Variants in SSRP1 observed in about 807,000 individuals in gnomAD.
The protein encoded by SSRP1 is structure specific recognition protein 1, also known as FACT complex subunit SSRP1.
Under a neutral mutation model 84.4 loss-of-function variants are expected in SSRP1, and 21 were observed. The observed-to-expected ratio is 0.25, with a 90% CI of 0.18 to 0.36. The LOEUF (loss-of-function observed/expected upper bound fraction) is 0.36, where lower values mean the gene tolerates loss of function less well. Ranked by LOEUF, SSRP1 falls within the 10% of genes least tolerant of loss-of-function variation. The pLI, the probability that SSRP1 is intolerant of heterozygous loss-of-function variation, is 1.00. For missense variants in SSRP1, 519 were observed against 900.8 expected (o/e 0.58, Z 5.43); for synonymous variants, 319 against 318.3 (o/e 1.00, Z -0.02).
chr11:57,327,161 G>T, intron 15 of SSRP1: 2 of 659,602 alleles, frequency 3.0e-6, no homozygotes, highest in Non-Finnish European at 5.1e-6. Context: ...ACTGTGCACT[G>T]CACTCCATAA....
At chr11:57,334,980 C>A in intron 2 of SSRP1, 88 bp downstream of exon 2, 4 of 1,490,818 alleles carry the variant, frequency 2.7e-6, no homozygotes, top group Non-Finnish European at 3.7e-6. Flanking sequence ...TCCAAAATAA[C>A]GTTACCAAAG....
Position 57,330,449 on chromosome 11 carries a change from C to CGGTGG in SSRP1, c.1297-25_1297-21dup, listed in dbSNP as rs984975467. On this transcript the variant is annotated intron_variant, in intron 10 of 16. Coordinates refer to ENST00000278412, the MANE Select transcript of SSRP1 (RefSeq NM_003146.3). The surrounding 1 kb of genome is among the most constrained non-coding windows in gnomAD (Gnocchi z 4.0). ...CATGCCCTAGCCAGGGAAGAGTTCA[C>CGGTGG]GGTGGGGCCAACTCACCCTCGAGCC... 6.2e-6 allele frequency: 10 copies of CGGTGG among 1,612,718 alleles called. No individual in the cohort carries two copies. Among genetic ancestry groups the CGGTGG allele is most frequent in the Non-Finnish European group, 7.6e-6 (9 of 1,179,826 alleles).
rs1315803828 is a variant in SSRP1 at position 57,332,598 on chromosome 11, T to A, written c.768+27A>T. 1.2e-6 allele frequency: 2 copies of A among 1,606,610 alleles called. No homozygotes were observed. Among genetic ancestry groups the A allele is most frequent in the South Asian group, 1.1e-5 (1 of 90,804 alleles). On this transcript the variant is annotated intron_variant, in intron 6 of 16. Transcript: ENST00000278412. This position sits in a 1 kb window ranked among gnomAD's most constrained non-coding sequence, Gnocchi z 5.5. ...TTAACACTTAGGCAAAAACCAGGATTATCCGGCCATAGGGGTTTCTGCTTA... is the reference window on the plus strand; with the variant it reads ...TTAACACTTAGGCAAAAACCAGGATAATCCGGCCATAGGGGTTTCTGCTTA...
Position 57,330,064 on chromosome 11 carries a change from T to C in SSRP1, c.1481+29A>G. 6.2e-7 allele frequency: 1 copy of C among 1,613,970 alleles called. No individual in the cohort carries two copies. The highest frequency in any genetic ancestry group is 8.5e-7 in the Non-Finnish European group (1 of 1,179,832). ...CCCTTAAGCTTATGGGTCACCATCTTATCCCCACAAGGTACCACCAAAACT... is the reference window on the plus strand; with the variant it reads ...CCCTTAAGCTTATGGGTCACCATCTCATCCCCACAAGGTACCACCAAAACT... On this transcript the variant is annotated intron_variant, in intron 12 of 16. Transcript: ENST00000278412. This position sits in a 1 kb window ranked among gnomAD's most constrained non-coding sequence, Gnocchi z 4.0.
intron 12 of SSRP1, chr11:57,328,637 T>C (rs987490282): frequency 7.0e-6 from 4 of 574,488 alleles, no homozygotes; most frequent in Non-Finnish European, 1.2e-5. Flanking sequence ...GCCACAGCAA[T>C]TGGTTACTTG....
In SSRP1 at chr11:57,332,073, C is replaced by T; in HGVS notation, c.1001+79G>A. ...CCAGGCCTCTAGGAGGCCGCATTCC[C>T]ATCTCAGGAAGGGTTTACCAAGGAG... On this transcript the variant is annotated intron_variant, in intron 8 of 16. Coordinates refer to ENST00000278412, the MANE Select transcript of SSRP1 (RefSeq NM_003146.3). The surrounding 1 kb of genome is among the most constrained non-coding windows in gnomAD (Gnocchi z 5.5). 6.2e-7 allele frequency: 1 copy of T among 1,601,096 alleles called. No individual in the cohort carries two copies. Among genetic ancestry groups the T allele is most frequent in the Non-Finnish European group, 8.5e-7 (1 of 1,174,734 alleles).
Position 57,334,750 on chromosome 11 carries a change from G to C in SSRP1, c.55-102C>G, listed in dbSNP as rs139660041. 10 of 1,377,996 alleles carry C rather than the reference G, an allele frequency of 7.3e-6. No individual in the cohort carries two copies. The South Asian group carries it at 1.2e-4, about 16-fold the overall frequency. 85.4% of individuals were successfully genotyped at this position (1,377,996 alleles called of 1,614,324 possible). The stretch of plus-strand genomic sequence containing the variant: ...ATTCCTGCTGCAAGTGGACTGGCCA[G>C]ATTATCAATGCAGGAGCAACAGCTG... On this transcript the variant is annotated intron_variant, in intron 2 of 16. Transcript: ENST00000278412.
At chr11:57,331,911 C>G in intron 8 of SSRP1, 22 bp from the exon 9 acceptor site, 1 of 1,598,250 alleles carries the variant, frequency 6.3e-7, no homozygotes, top group Non-Finnish European at 8.5e-7. Flanking sequence ...TGCAGGGAGC[C>G]TGGTTAGTGC....
intron 9 of SSRP1, 44 bp downstream of exon 9, chr11:57,331,624 C>G (rs755682521): frequency 6.5e-7 from 1 of 1,543,900 alleles, no homozygotes; most frequent in Non-Finnish European, 9.0e-7. Flanking sequence ...ACAAAGCTGG[C>G]TCGGGACCAG....
In SSRP1 at chr11:57,335,014, A is replaced by T; in HGVS notation, c.54+54T>A. ...AGCAAGCTCTCATTAATGGACAAAA[A>T]CTCTACCCTCCTTCCTTCTCTCTAC... is the stretch of plus-strand genomic sequence containing the variant. On this transcript the variant is annotated intron_variant, in intron 2 of 16. Transcript: ENST00000278412. This position sits in a 1 kb window ranked among gnomAD's most constrained non-coding sequence, Gnocchi z 4.6. The T allele has an allele frequency of 4.4e-6, 7 of 1,595,792 alleles. No homozygotes were observed. The highest frequency in any genetic ancestry group is 6.0e-6 in the Non-Finnish European group (7 of 1,163,846).
chr11:57,326,216 A>C lies in SSRP1; in HGVS notation c.*191T>G, dbSNP rs1855976239. 1.6e-6 allele frequency: 1 copy of C among 612,956 alleles called. No homozygotes were observed. The highest frequency in any genetic ancestry group is 2.9e-6 in the Non-Finnish European group (1 of 346,810). 38.0% of individuals were successfully genotyped at this position (612,956 alleles called of 1,614,324 possible). On this transcript the variant is annotated 3_prime_UTR_variant, in exon 17 of 17. Coordinates refer to ENST00000278412, the MANE Select transcript of SSRP1 (RefSeq NM_003146.3). ...CCCTATCTCTCCCCAAATTATAAAC[A>C]GCCATCCTTGGGAAGCAGCAGAGTT...
intron 3 of SSRP1, 113 bp from the exon 4 acceptor site, chr11:57,333,653 A>G: frequency 1.3e-6 from 1 of 755,676 alleles, no homozygotes; most frequent in East Asian, 2.6e-5. Context: ...AGGCTTTATA[A>G]GAAATCCATG....
At chr11:57,327,569 C>G in intron 14 of SSRP1, 55 bp from the exon 15 acceptor site, 1 of 1,610,126 alleles carries the variant, frequency 6.2e-7, no homozygotes, top group Non-Finnish European at 8.5e-7. Context: ...CATCTCCCCT[C>G]TCCCCTGATG....
intron 12 of SSRP1, 107 bp from the exon 13 acceptor site, chr11:57,328,533 G>A: frequency 6.8e-7 from 1 of 1,478,586 alleles, no homozygotes; most frequent in Non-Finnish European, 9.0e-7. Flanking sequence ...AAGGGGCAAG[G>A]GAGGAAGACC....
chr11:57,332,857 T>G lies in SSRP1; in HGVS notation c.538-2A>C. On this transcript the variant is annotated splice_acceptor_variant, in intron 5 of 16. Transcript: ENST00000278412. LOFTEE classifies it high-confidence loss of function. The surrounding 1 kb of genome is among the most constrained non-coding windows in gnomAD (Gnocchi z 5.5). ...TGACAACACATTCTGGGCAAAGGCC[T>G]GCAAAAGCACATATTGGTAGCCAAG... is the stretch of plus-strand genomic sequence containing the variant. 6.2e-7 allele frequency: 1 copy of G among 1,607,620 alleles called. No individual in the cohort carries two copies. Among genetic ancestry groups the G allele is most frequent in the Non-Finnish European group, 8.5e-7 (1 of 1,174,964 alleles).
At chr11:57,327,668 C>T in intron 14 of SSRP1, 44 bp downstream of exon 14, 2 of 1,609,184 alleles carry the variant, frequency 1.2e-6, no homozygotes, top group Non-Finnish European at 1.7e-6. Flanking sequence ...CAGCACCTCT[C>T]GCCAGCCCAT....
Position 57,335,086 on chromosome 11 carries a change from C to CTGATAGACG in SSRP1, c.27_35dup (p.Tyr11_Gln12insHisValTyr), listed in dbSNP as rs1329728211. On this transcript the variant is annotated inframe_insertion, in exon 2 of 17. Transcript: ENST00000278412. The surrounding 1 kb of genome is among the most constrained non-coding windows in gnomAD (Gnocchi z 4.6). ...TTCTCACCATGGAACCTTTCACCTC[C>CTGATAGACG]TGATAGACGTCGTTGAACTCCAGTG... The CTGATAGACG allele has an allele frequency of 6.8e-6, 11 of 1,614,162 alleles. No individual in the cohort carries two copies. Among genetic ancestry groups the CTGATAGACG allele is most frequent in the Non-Finnish European group, 8.5e-6 (10 of 1,179,996 alleles).
At position 57,328,458 on chromosome 11, in the gene SSRP1, G is replaced by A. The variant is rs1856028073; in HGVS notation, c.1482-32C>T. On this transcript the variant is annotated intron_variant, in intron 12 of 16. Transcript: ENST00000278412. ...GAGAACAAGCCAGGCTTAGACTTGA[G>A]GAGGGAAGACAGGACCCCACGGCCT... 5 of 1,613,108 alleles carry A rather than the reference G, an allele frequency of 3.1e-6. No homozygotes were observed. In the East Asian group the frequency reaches 1.1e-4, roughly 36 times the overall value.
chr11:57,327,225 G>A (rs1856003569), intron 15 of SSRP1: 4 of 682,410 alleles, frequency 5.9e-6, no homozygotes, highest in Non-Finnish European at 9.9e-6. Context: ...AGGAAAAGAG[G>A]CCATATTTCC....
Sources: gnomAD v4.1 joint callset for allele counts on GRCh38, gnomAD v4.1.1 for gene constraint, Gnocchi (gnomAD v3.1) non-coding constraint, MANE v1.5 for transcripts, NCBI Gene and HGNC (gene_info 2026-07-23, HGNC 2026-07-21) for gene names.